The following LIMCH1 variants were observed in gnomAD, a reference collection of about 807,000 sequenced individuals.
LIMCH1 encodes LIM and calponin homology domains-containing protein 1.
In LIMCH1, 113 loss-of-function variants were observed where a neutral mutation model predicts 176.5. The observed-to-expected ratio is 0.64, with a 90% CI of 0.55 to 0.75. The LOEUF (loss-of-function observed/expected upper bound fraction) is 0.75, where lower values mean the gene tolerates loss of function less well. Ranked by LOEUF, LIMCH1 falls within the 30% of genes least tolerant of loss-of-function variation. The pLI, the probability that LIMCH1 is intolerant of heterozygous loss-of-function variation, is 0.00. For synonymous variants in LIMCH1, 619 were observed against 645.9 expected, an observed-to-expected ratio of 0.96 and a Z score of 0.63; for missense variants, 1,674 against 1,814.9, an observed-to-expected ratio of 0.92 and a Z score of 1.41.
At chr4:41,399,448 CA>C (rs2058142656) in intron 1 of LIMCH1, among the ~76,000 whole-genome samples, 1 of 152,124 alleles carries the variant, frequency 6.6e-6, no homozygotes, top group African/African-American at 2.4e-5. Context: ...TAAGTGAAGA[CA>C]GTTGTGGGTT....
rs148784892 is a variant in LIMCH1 at position 41,676,348 on chromosome 4, T to A, written c.3439-34T>A. 777 of 1,578,818 alleles carry A rather than the reference T, an allele frequency of 4.9e-4. 2 individuals are homozygous for A. In the African/African-American group the frequency reaches 9.6e-3, roughly 20 times the overall value. On this transcript the variant is annotated intron_variant, in intron 22 of 31. Coordinates refer to ENST00000503057, the MANE Select transcript of LIMCH1 (RefSeq NM_001330672.2). ...CCGGCCTGTCCCTTGAGGACATGGC[T>A]CAATTCTGATCATGGTTTCATTTTT...
intron 2 of LIMCH1, among the ~76,000 whole-genome samples, chr4:41,500,350 T>A (rs917795496): frequency 8.5e-5 from 13 of 152,228 alleles, no homozygotes; most frequent in Non-Finnish European, 2.9e-5. Flanking sequence ...CATTCTTGTG[T>A]CTTTTTGAAG....
At chr4:41,655,124 T>C (rs1283140458) in intron 18 of LIMCH1, among the ~76,000 whole-genome samples, 1 of 152,184 alleles carries the variant, frequency 6.6e-6, no homozygotes, top group Non-Finnish European at 1.5e-5. Flanking sequence ...CTTGATTCAC[T>C]GTCAGTTATA....
At chr4:41,375,711 A>G (rs1488978105) in intron 1 of LIMCH1, among the ~76,000 whole-genome samples, 2 of 152,216 alleles carry the variant, frequency 1.3e-5, no homozygotes, top group African/African-American at 4.8e-5. Flanking sequence ...GCTTTTCTAA[A>G]AGTGGATACA....
intron 17 of LIMCH1, among the ~76,000 whole-genome samples, chr4:41,648,010 AT>A (rs1210992050): frequency 1.3e-5 from 2 of 152,140 alleles, no homozygotes; most frequent in Non-Finnish European, 2.9e-5. Context: ...AAATAAGTGA[AT>A]TTTTCCTGAG....
At chr4:41,635,891 C>T (rs560543747) in intron 13 of LIMCH1, among the ~76,000 whole-genome samples, 1 of 152,250 alleles carries the variant, frequency 6.6e-6, no homozygotes, top group East Asian at 1.9e-4. Context: ...CTTTATCTTT[C>T]TACCTACCCC....
At chr4:41,459,507 G>T (rs1412001852) in intron 1 of LIMCH1, among the ~76,000 whole-genome samples, 1 of 152,136 alleles carries the variant, frequency 6.6e-6, no homozygotes, top group Non-Finnish European at 1.5e-5. Context: ...TCACCCTGTT[G>T]CCCCAGCTGG....
chr4:41,601,953 G>A (rs2089992245), intron 2 of LIMCH1, among the ~76,000 whole-genome samples: 1 of 152,022 alleles, frequency 6.6e-6, no homozygotes, highest in Non-Finnish European at 1.5e-5. Flanking sequence ...CCAATTACTA[G>A]CGGAAGCAGT....
chr4:41,671,733 C>T (rs1192065329), intron 22 of LIMCH1, 139 bp downstream of exon 22: 32 of 634,086 alleles, frequency 5.0e-5, no homozygotes, highest in Admixed American at 8.0e-5. Flanking sequence ...GAGGGTGAGG[C>T]GGGTGGATCA....
At chr4:41,597,874 T>C (rs973298623) in intron 1 of LIMCH1, among the ~76,000 whole-genome samples, 2 of 152,206 alleles carry the variant, frequency 1.3e-5, no homozygotes, top group African/African-American at 4.8e-5. Context: ...GGGGTTTATC[T>C]TAGAATCCTG....
chr4:41,505,045 G>C (rs993045844), intron 2 of LIMCH1, among the ~76,000 whole-genome samples: 1 of 152,174 alleles, frequency 6.6e-6, no homozygotes, highest in Non-Finnish European at 1.5e-5. Flanking sequence ...ATATAGGATT[G>C]TTCTGAGGAT....
intron 1 of LIMCH1, among the ~76,000 whole-genome samples, chr4:41,398,041 A>C (rs1453470946): frequency 6.6e-6 from 1 of 152,070 alleles, no homozygotes; most frequent in Non-Finnish European, 1.5e-5. Flanking sequence ...AAATTATATG[A>C]TACAAACCCA....
intron 1 of LIMCH1, among the ~76,000 whole-genome samples, chr4:41,567,303 T>A (rs2082906390): frequency 6.6e-6 from 1 of 152,154 alleles, no homozygotes; most frequent in Non-Finnish European, 1.5e-5. Context: ...TTTTTAAGAT[T>A]AATGAGATAA....
chr4:41,661,267 T>C (rs2094607807), intron 18 of LIMCH1, among the ~76,000 whole-genome samples, 153 bp from the exon 19 acceptor site: 1 of 152,098 alleles, frequency 6.6e-6, no homozygotes, highest in Admixed American at 6.5e-5. Context: ...TTCCAACCAA[T>C]CCAGGCTCTC....
At chr4:41,624,617 G>C (rs939183331) in intron 7 of LIMCH1, among the ~76,000 whole-genome samples, 3 of 151,688 alleles carry the variant, frequency 2.0e-5, no homozygotes, top group African/African-American at 7.3e-5. Flanking sequence ...GGGGTGAACA[G>C]GGAAGTTTCC....
At chr4:41,396,453 C>A (rs2057808220) in intron 1 of LIMCH1, among the ~76,000 whole-genome samples, 1 of 152,196 alleles carries the variant, frequency 6.6e-6, no homozygotes, top group South Asian at 2.1e-4. Flanking sequence ...CCCAGCCCAA[C>A]AAGATGCACT....
At chr4:41,554,473 ATGT>A (rs2080967662) in intron 1 of LIMCH1, among the ~76,000 whole-genome samples, 1 of 152,152 alleles carries the variant, frequency 6.6e-6, no homozygotes. Context: ...TCTTCCTAAA[ATGT>A]GCACTCAGAC....
rs11285726 is a variant in LIMCH1 at position 41,579,049 on chromosome 4, ATT to A, written c.-240-19857_-240-19856del. 4.6e-3 allele frequency among the ~76,000 whole-genome samples: 666 copies of A among 144,888 alleles called. 8 individuals are homozygous for A. The highest frequency in any genetic ancestry group is 0.015 in the African/African-American group (607 of 40,042). On this transcript the variant is annotated intron_variant, in intron 1 of 31. Transcript: ENST00000503057. ...AAAACTAACAGAAGAAAAATGTGTG[ATT>A]TTTTTTTTTTTTTAATGGGACCAAA...
intron 1 of LIMCH1, among the ~76,000 whole-genome samples, chr4:41,463,378 T>A (rs1237415084): frequency 2.0e-5 from 3 of 151,956 alleles, no homozygotes; most frequent in Non-Finnish European, 4.4e-5. Context: ...ATGAGAAAGG[T>A]TTAATGCTTT....
Sources: gnomAD v4.1 joint callset for allele counts (sites outside exome capture counted in the v4.1 genomes callset) on GRCh38, gnomAD v4.1.1 for gene constraint, MANE v1.5 for transcripts, NCBI Gene and HGNC (gene_info 2026-07-23, HGNC 2026-07-21) for gene names.